TRDN: variants seen among roughly 807,000 people sequenced by gnomAD.
TRDN encodes the protein triadin, also known as triadin in skeletal muscle.
In TRDN, 161 loss-of-function variants were observed where a neutral mutation model predicts 149.7. The observed-to-expected ratio is 1.08, with a 90% confidence interval of 0.95 to 1.23. The LOEUF is 1.23. TRDN is among the 50% of genes most tolerant of loss of function. The probability of loss-of-function intolerance (pLI) is 0.00; values close to 1 mark genes in which losing one functional copy is unlikely to be tolerated. For missense variants in TRDN, 896 were observed against 823.5 expected, an observed-to-expected ratio of 1.09 and a Z score of -1.08; for synonymous variants, 294 against 250.5, an observed-to-expected ratio of 1.17 and a Z score of -1.64.
intron 18 of TRDN, among the ~76,000 whole-genome samples, chr6:123,377,132 A>G (rs1257040195): frequency 6.6e-6 from 1 of 150,464 alleles, no homozygotes; most frequent in Non-Finnish European, 1.5e-5. Flanking sequence ...TTTGACTCTC[A>G]ATCAGTTTTT....
intron 7 of TRDN, among the ~76,000 whole-genome samples, chr6:123,507,896 C>T (rs576057763): frequency 6.6e-6 from 1 of 152,182 alleles, no homozygotes; most frequent in African/African-American, 2.4e-5. Context: ...AAACATACTA[C>T]ACATGTTGGG....
At chr6:123,227,443 G>C (rs1249823842) in intron 38 of TRDN, among the ~76,000 whole-genome samples, 1 of 151,832 alleles carries the variant, frequency 6.6e-6, no homozygotes, top group African/African-American at 2.4e-5. Context: ...ATAATGAAAA[G>C]TTCAATTCTC....
At chr6:123,271,442 G>A (rs1777203869) in intron 29 of TRDN, among the ~76,000 whole-genome samples, 1 of 151,868 alleles carries the variant, frequency 6.6e-6, no homozygotes, top group Non-Finnish European at 1.5e-5. Flanking sequence ...GCCAATATGA[G>A]CCCTATTTTT....
At chr6:123,292,384 G>A (rs1778039926) in intron 24 of TRDN, among the ~76,000 whole-genome samples, 2 of 152,090 alleles carry the variant, frequency 1.3e-5, no homozygotes, top group African/African-American at 4.8e-5. Context: ...GAGACTAGGA[G>A]CCAGGAAATG....
chr6:123,278,294 T>A (rs1418148987), intron 26 of TRDN, 24 bp downstream of exon 26: 3 of 1,263,096 alleles, frequency 2.4e-6, no homozygotes, highest in Middle Eastern at 1.9e-4. Context: ...AAATCATATA[T>A]GTGTATAAAT....
intron 9 of TRDN, among the ~76,000 whole-genome samples, chr6:123,472,794 C>T (rs558909627): frequency 9.9e-5 from 15 of 152,058 alleles, no homozygotes; most frequent in African/African-American, 1.7e-4. Flanking sequence ...CCCTGACCCC[C>T]GAGCAGCCTA....
At chr6:123,609,436 T>A (rs1184127336) in intron 1 of TRDN, among the ~76,000 whole-genome samples, 1 of 152,026 alleles carries the variant, frequency 6.6e-6, no homozygotes, top group Non-Finnish European at 1.5e-5. Flanking sequence ...TAATGATGAG[T>A]GTATCTTTTT....
chr6:123,541,241 C>T (rs1780821132), intron 4 of TRDN, among the ~76,000 whole-genome samples: 1 of 152,144 alleles, frequency 6.6e-6, no homozygotes, highest in Admixed American at 6.5e-5. Context: ...TTAATTCCTT[C>T]TGATGTTGGC....
chr6:123,424,274 G>A (rs540005459), intron 12 of TRDN, among the ~76,000 whole-genome samples: 2 of 152,108 alleles, frequency 1.3e-5, no homozygotes, highest in African/African-American at 4.8e-5. Flanking sequence ...CTGCCTAACT[G>A]CCCTTTTCTG....
At chr6:123,434,971 T>C (rs1482388719) in intron 12 of TRDN, among the ~76,000 whole-genome samples, 1 of 151,900 alleles carries the variant, frequency 6.6e-6, no homozygotes, top group Non-Finnish European at 1.5e-5. Flanking sequence ...CAGAGATCAC[T>C]GGCAAAGTGT....
chr6:123,601,873 G>T (rs1784297044), intron 1 of TRDN, among the ~76,000 whole-genome samples: 1 of 152,088 alleles, frequency 6.6e-6, no homozygotes, highest in African/African-American at 2.4e-5. Flanking sequence ...CTTGAGGTTG[G>T]TTGGCAGCTA....
At chr6:123,236,064 T>C (rs1775776229) in intron 38 of TRDN, among the ~76,000 whole-genome samples, 1 of 152,152 alleles carries the variant, frequency 6.6e-6, no homozygotes, top group African/African-American at 2.4e-5. Flanking sequence ...GATGGTTGGG[T>C]CACAACATAA....
intron 1 of TRDN, among the ~76,000 whole-genome samples, chr6:123,620,223 A>G (rs908489999): frequency 6.6e-6 from 1 of 152,152 alleles, no homozygotes; most frequent in African/African-American, 2.4e-5. Context: ...TAAAACTTCA[A>G]CGTGTGTCAG....
At chr6:123,295,170 C>A (rs1274691206) in intron 24 of TRDN, among the ~76,000 whole-genome samples, 3 of 152,166 alleles carry the variant, frequency 2.0e-5, no homozygotes, top group African/African-American at 7.2e-5. Flanking sequence ...CTTGCCATGA[C>A]AACACCCAGG....
intron 12 of TRDN, among the ~76,000 whole-genome samples, chr6:123,406,028 A>T (rs991529575): frequency 2.0e-5 from 3 of 152,220 alleles, no homozygotes; most frequent in Non-Finnish European, 4.4e-5. Flanking sequence ...GTCTACTCAA[A>T]TTTCTAAAAA....
intron 33 of TRDN, among the ~76,000 whole-genome samples, chr6:123,262,001 T>C (rs1243727630): frequency 6.6e-6 from 1 of 151,950 alleles, no homozygotes; most frequent in Non-Finnish European, 1.5e-5. Flanking sequence ...AACATATAAA[T>C]ACAACATCCA....
intron 22 of TRDN, among the ~76,000 whole-genome samples, chr6:123,332,928 GT>G (rs373203843): frequency 2.6e-5 from 4 of 151,996 alleles, no homozygotes; most frequent in African/African-American, 9.7e-5. Flanking sequence ...AAATTTTCTT[GT>G]CGGGTAAGCT....
chr6:123,442,842 A>G (rs959067775), intron 10 of TRDN, among the ~76,000 whole-genome samples: 1 of 152,136 alleles, frequency 6.6e-6, no homozygotes, highest in Admixed American at 6.5e-5. Flanking sequence ...AGGGAAAAAA[A>G]TACCCATAAG....
At chr6:123,227,655 T>G (rs1253669615) in intron 38 of TRDN, among the ~76,000 whole-genome samples, 1 of 151,998 alleles carries the variant, frequency 6.6e-6, no homozygotes, top group Non-Finnish European at 1.5e-5. Context: ...TGCTAGGCCC[T>G]ATTAAGTTAT....
Sources: gnomAD v4.1 joint callset for allele counts (sites outside exome capture counted in the v4.1 genomes callset) on GRCh38, gnomAD v4.1.1 for gene constraint, MANE v1.5 for transcripts, NCBI Gene and HGNC (gene_info 2026-07-23, HGNC 2026-07-21) for gene names.